The following TRUB2 variants were observed in gnomAD, a reference collection of about 807,000 sequenced individuals.
TRUB2 encodes TruB pseudouridine synthase family member 2.
In TRUB2, 31 loss-of-function variants were observed where a neutral mutation model predicts 31.9. That is an observed-to-expected ratio of 0.97 (90% CI 0.73 to 1.31). TRUB2 has a LOEUF of 1.31. Among genes scored for constraint, TRUB2 ranks in the 50% most tolerant of loss-of-function variants. The probability of loss-of-function intolerance (pLI) is 0.00; values close to 1 mark genes in which losing one functional copy is unlikely to be tolerated. For synonymous variants in TRUB2, 201 were observed against 182.6 expected (o/e 1.10, Z -0.81); for missense variants, 451 against 439.6 (o/e 1.03, Z -0.23).
intron 7 of TRUB2, among the ~76,000 whole-genome samples, chr9:128,310,384 G>A (rs771244362): frequency 2.0e-5 from 3 of 151,600 alleles, no homozygotes; most frequent in African/African-American, 4.8e-5. Flanking sequence ...TTTATAGAAA[G>A]ATAAATGATT....
intron 5 of TRUB2, among the ~76,000 whole-genome samples, chr9:128,313,396 C>T (rs1171723820): frequency 2.8e-5 from 4 of 144,636 alleles, no homozygotes; most frequent in South Asian, 4.4e-4. Flanking sequence ...AAAAGCCGGG[C>T]GTGGTGGCGG....
In TRUB2 at chr9:128,306,494, G is replaced by A. The variant is rs1383474374; in HGVS notation, c.*3056C>T. On this transcript the variant is annotated 3_prime_UTR_variant, in exon 8 of 8. Coordinates refer to ENST00000372890, the MANE Select transcript of TRUB2 (RefSeq NM_015679.3). ...GTCTCACTCTGTCACCTAGGCTGGA[G>A]TGCAGTGGCGCAATCTCCACTCACT... 6.7e-6 allele frequency: 1 copy of A among 149,572 alleles called. No individual in the cohort carries two copies. Among genetic ancestry groups the A allele is most frequent in the Non-Finnish European group, 1.5e-5 (1 of 67,600 alleles). 9.3% of individuals were successfully genotyped at this position (149,572 alleles called of 1,614,324 possible).
chr9:128,321,610 T>C lies in TRUB2; in HGVS notation c.230A>G (p.Asn77Ser), dbSNP rs752070513. 135 of 1,613,930 alleles carry C rather than the reference T, an allele frequency of 8.4e-5. 1 individual carries two copies. Among genetic ancestry groups the C allele is most frequent in the Admixed American group, 3.0e-4 (18 of 60,000 alleles). The stretch of plus-strand genomic sequence containing the variant: ...TAAATCTGCCTTACCCAGTGGATGG[T>C]TGATGAAAGAGGGTACGCTGGTGGC... ...LTATSVPSFI[N>S]HPLVCGPAFA... The change falls in exon 2 of 8, where the codon AAC (asparagine) becomes AGC (serine). Residue 77 changes from asparagine to serine, a missense_variant. Physicochemically the swap from Asn to Ser is conservative, Grantham distance 46 (BLOSUM62 1). Transcript: ENST00000372890.
At chr9:128,312,203 T>G (rs1195891531) in intron 5 of TRUB2, among the ~76,000 whole-genome samples, 2 of 140,000 alleles carry the variant, frequency 1.4e-5, no homozygotes, top group African/African-American at 5.4e-5. Flanking sequence ...AATGGCACAA[T>G]CTCAGCTCAC....
intron 4 of TRUB2, among the ~76,000 whole-genome samples, chr9:128,314,327 AC>A (rs965760828): frequency 5.3e-5 from 8 of 151,448 alleles, no homozygotes; most frequent in Admixed American, 5.3e-4. Flanking sequence ...GCAATTTATC[AC>A]CCCGAGCCCC....
Position 128,305,191 on chromosome 9 carries a change from A to G in TRUB2, c.*4359T>C, listed in dbSNP as rs527514914. 27 of 152,338 alleles carry G rather than the reference A, an allele frequency of 1.8e-4. No individual in the cohort carries two copies. The highest frequency in any genetic ancestry group is 6.0e-4 in the African/African-American group (25 of 41,568). 9.4% of individuals were successfully genotyped at this position (152,338 alleles called of 1,614,324 possible). A position where few individuals can be genotyped will look rare whatever the true frequency, so the allele number is the denominator to read the frequency against. On this transcript the variant is annotated 3_prime_UTR_variant, in exon 8 of 8. Coordinates refer to ENST00000372890, the MANE Select transcript of TRUB2 (RefSeq NM_015679.3). ...TTAATCCCCATTTTATAGATAGGTG[A>G]CAGCTTCAGAGGCCACATTACCCAG... is the stretch of plus-strand genomic sequence containing the variant.
intron 7 of TRUB2, among the ~76,000 whole-genome samples, chr9:128,310,282 T>C (rs1831945341): frequency 6.6e-6 from 1 of 151,932 alleles, no homozygotes; most frequent in African/African-American, 2.4e-5. Flanking sequence ...AGAGACAGGG[T>C]CTCGCCATCT....
chr9:128,309,289 G>A lies in TRUB2; in HGVS notation c.*261C>T. On this transcript the variant is annotated 3_prime_UTR_variant, in exon 8 of 8. Transcript: ENST00000372890. ...CAATTCTCCTGCCTCAGCCTTGGGA[G>A]TAGCTGGGATTACAAGTGCCCGCCA... 2.1e-6 allele frequency: 1 copy of A among 480,744 alleles called. No individual in the cohort carries two copies. Among genetic ancestry groups the A allele is most frequent in the Non-Finnish European group, 3.8e-6 (1 of 264,986 alleles). 29.8% of individuals were successfully genotyped at this position (480,744 alleles called of 1,614,324 possible).
In TRUB2 at chr9:128,309,187, T is replaced by C. The variant is rs1476658503; in HGVS notation, c.*363A>G. The C allele has an allele frequency of 9.9e-6, 2 of 201,312 alleles. No homozygotes were observed. The highest frequency in any genetic ancestry group is 2.0e-5 in the Non-Finnish European group (2 of 98,750). 12.5% of individuals were successfully genotyped at this position (201,312 alleles called of 1,614,324 possible). A position where few individuals can be genotyped will look rare whatever the true frequency, so the allele number is the denominator to read the frequency against. On this transcript the variant is annotated 3_prime_UTR_variant, in exon 8 of 8. Transcript: ENST00000372890. ...TTTTTGAGATGGCAGGGGTCTCATA[T>C]GTTCCCCAGACTAGAGTGCAGTGGC...
chr9:128,311,367 C>A, intron 6 of TRUB2, 162 bp downstream of exon 6: 1 of 763,446 alleles, frequency 1.3e-6, no homozygotes, highest in East Asian at 2.7e-5. Context: ...CAAGACCTGG[C>A]ACACAGAACC....
intron 2 of TRUB2, among the ~76,000 whole-genome samples, chr9:128,319,102 GGATCACGAGGTCAGGA>G (rs747126203): frequency 3.9e-5 from 6 of 151,976 alleles, no homozygotes; most frequent in Non-Finnish European, 7.4e-5. Flanking sequence ...CGAGGCGGGT[GGATCACGAGGTCAGGA>G]GATCGAGACT....
In TRUB2 at chr9:128,322,175, G is replaced by A. The variant is rs1030004801; in HGVS notation, c.109+125C>T. 1.4e-5 allele frequency: 10 copies of A among 729,516 alleles called. No homozygotes were observed. In the Admixed American group the frequency reaches 1.8e-4, roughly 13 times the overall value. 45.2% of individuals were successfully genotyped at this position (729,516 alleles called of 1,614,324 possible). The stretch of plus-strand genomic sequence containing the variant: ...GAGTAAGAAAGCACAGAGAACAGGC[G>A]TTTGGGAAAGCGCTCTGCCCAGGTG... On this transcript the variant is annotated intron_variant, in intron 1 of 7. Transcript: ENST00000372890.
intron 6 of TRUB2, chr9:128,311,226 C>A: frequency 1.5e-6 from 1 of 683,136 alleles, no homozygotes; most frequent in Non-Finnish European, 2.4e-6. Flanking sequence ...AAGCTCTTAA[C>A]TCCTTGGCTG....
At chr9:128,314,847 G>C (rs1199120025) in intron 4 of TRUB2, among the ~76,000 whole-genome samples, 3 of 152,132 alleles carry the variant, frequency 2.0e-5, no homozygotes, top group African/African-American at 7.2e-5. Context: ...CAAAGTACTG[G>C]GATTACAGGT....
chr9:128,312,887 C>T (rs1831997507), intron 5 of TRUB2, among the ~76,000 whole-genome samples: 1 of 150,758 alleles, frequency 6.6e-6, no homozygotes, highest in Non-Finnish European at 1.5e-5. Flanking sequence ...GCTGGGATTA[C>T]AGGCGTGAGC....
chr9:128,305,311 C>T lies in TRUB2; in HGVS notation c.*4239G>A, dbSNP rs567244571. 1 of 152,382 alleles carries T rather than the reference C, an allele frequency of 6.6e-6. No individual in the cohort carries two copies. The highest frequency in any genetic ancestry group is 2.1e-4 in the South Asian group (1 of 4,804). 9.4% of individuals were successfully genotyped at this position (152,382 alleles called of 1,614,324 possible). A position where few individuals can be genotyped will look rare whatever the true frequency, so the allele number is the denominator to read the frequency against. ...GGGCCACGCCCCTCCCCCAGGTGCCCAGTTCATACAGGCAGGCAATTGGCA... is the reference window on the plus strand; with the variant it reads ...GGGCCACGCCCCTCCCCCAGGTGCCTAGTTCATACAGGCAGGCAATTGGCA... On this transcript the variant is annotated 3_prime_UTR_variant, in exon 8 of 8. Coordinates refer to ENST00000372890, the MANE Select transcript of TRUB2 (RefSeq NM_015679.3).
rs148895187 is a variant in TRUB2 at position 128,309,605 on chromosome 9, C to T, written c.941G>A (p.Trp314Ter). 1.4e-5 allele frequency: 22 copies of T among 1,614,084 alleles called. No homozygotes were observed. The highest frequency in any genetic ancestry group is 1.8e-5 in the Non-Finnish European group (21 of 1,180,020). The change falls in exon 8 of 8, where the codon TGG becomes TAG. Residue 314 changes from tryptophan (W) to a stop codon, truncating the protein, a stop_gained. Transcript: ENST00000372890. LOFTEE classifies it high-confidence loss of function. ...TKQLPSPGWS[W>*]DSQGPSSTLG... is the part of the protein sequence containing the mutation. ...GGTAGAGCTCGGGCCCTGGGAGTCC[C>T]AGGACCATCCCGGACTGGGGAGCTG...
In TRUB2 at chr9:128,311,557, G is replaced by T; in HGVS notation, c.505C>A (p.Gln169Lys). ...EKLDRILAVI[Q>K]GSHQKALVMY... ...ACCAGGGCCTTCTGATGGGAGCCTT[G>T]GATAACGGCCAGAATGCGGTCCAGC... The change falls in exon 6 of 8, where the codon CAA (glutamine) becomes AAA (lysine). Residue 169 changes from glutamine to lysine, a missense_variant. Gln to Lys is a moderately conservative substitution (Grantham distance 53). Coordinates refer to ENST00000372890, the MANE Select transcript of TRUB2 (RefSeq NM_015679.3). 6.2e-7 allele frequency: 1 copy of T among 1,614,088 alleles called. No homozygotes were observed. The highest frequency in any genetic ancestry group is 8.5e-7 in the Non-Finnish European group (1 of 1,180,004).
At position 128,315,548 on chromosome 9, in the gene TRUB2, T is replaced by C. The variant is rs371907503; in HGVS notation, c.378+19A>G. On this transcript the variant is annotated intron_variant, in intron 4 of 7. Coordinates refer to ENST00000372890, the MANE Select transcript of TRUB2 (RefSeq NM_015679.3). The stretch of plus-strand genomic sequence containing the variant: ...GGAAAGGACCAAGGGAGAAGCAGGC[T>C]GTCCCCAGACCCTCGTACCTTGGTA... 1.4e-5 allele frequency: 22 copies of C among 1,611,708 alleles called. No individual in the cohort carries two copies. The highest frequency in any genetic ancestry group is 1.4e-5 in the Non-Finnish European group (16 of 1,179,030).
Sources: allele counts gnomAD v4.1 joint callset (sites outside exome capture counted in the v4.1 genomes callset), GRCh38; gene constraint gnomAD v4.1.1; transcripts MANE v1.5; gene names NCBI Gene and HGNC (gene_info 2026-07-23, HGNC 2026-07-21).